Variants in PRDM15 observed in about 807,000 individuals in gnomAD.
PRDM15 encodes the protein PR/SET domain 15.
PRDM15 carries 64 observed loss-of-function variants against 128.6 expected under a neutral mutation model. The ratio of observed to expected loss-of-function variants is 0.50; its 90% CI spans 0.41 to 0.61. PRDM15 has a LOEUF of 0.61. PRDM15 is among the 20% of genes least tolerant of loss of function. The probability of loss-of-function intolerance (pLI) is 0.00; values close to 1 mark genes in which losing one functional copy is unlikely to be tolerated. For synonymous variants in PRDM15, 615 were observed against 621.8 expected (o/e 0.99, Z 0.16); for missense variants, 1,242 against 1,569.1 (o/e 0.79, Z 3.52).
At chr21:41,819,040 A>G (rs2062152312) in intron 18 of PRDM15, among the ~76,000 whole-genome samples, 1 of 152,216 alleles carries the variant, frequency 6.6e-6, no homozygotes, top group African/African-American at 2.4e-5. Flanking sequence ...ACTTTAAACA[A>G]TTAGATCCTG....
At chr21:41,825,327 T>C (rs1390550863) in intron 13 of PRDM15, among the ~76,000 whole-genome samples, 2 of 152,258 alleles carry the variant, frequency 1.3e-5, no homozygotes, top group Non-Finnish European at 2.9e-5. Flanking sequence ...GCAGCGTGTT[T>C]GCTGGATGTT....
At chr21:41,819,945 A>G in intron 17 of PRDM15, 150 bp downstream of exon 17, 2 of 784,372 alleles carry the variant, frequency 2.5e-6, no homozygotes, top group South Asian at 1.7e-5. Flanking sequence ...CAGGGCTGAT[A>G]AGGACGGGAA....
intron 19 of PRDM15, chr21:41,812,520 C>T (rs2061897573): frequency 6.6e-6 from 1 of 152,140 alleles, no homozygotes; most frequent in Non-Finnish European, 1.5e-5. Context: ...CCAGGACAGT[C>T]TGTGGAACTT....
At chr21:41,801,952 T>C (rs1215451169) in intron 23 of PRDM15, among the ~76,000 whole-genome samples, 1 of 152,078 alleles carries the variant, frequency 6.6e-6, no homozygotes, top group Non-Finnish European at 1.5e-5. Flanking sequence ...TTAATTTCAC[T>C]GGCTAGAAAA....
chr21:41,826,806 C>T (rs2062487156), intron 12 of PRDM15, among the ~76,000 whole-genome samples: 1 of 152,204 alleles, frequency 6.6e-6, no homozygotes, highest in African/African-American at 2.4e-5. Context: ...GTCTGAGGCG[C>T]AGCTTAGACT....
chr21:41,872,881 T>C (rs998024718), intron 1 of PRDM15, among the ~76,000 whole-genome samples: 14 of 152,272 alleles, frequency 9.2e-5, no homozygotes, highest in Non-Finnish European at 2.1e-4. Flanking sequence ...AGAACTGTGC[T>C]AGGTGGCTTC....
chr21:41,819,490 A>AGGCCCCCC, intron 18 of PRDM15, 92 bp downstream of exon 18: 1 of 188,696 alleles, frequency 5.3e-6, no homozygotes, highest in Non-Finnish European at 7.8e-6. Context: ...CACCTTCCCC[A>AGGCCCCCC]CACTCCCAGT....
intron 19 of PRDM15, chr21:41,812,449 G>C (rs1388919061): frequency 6.6e-6 from 1 of 152,184 alleles, no homozygotes; most frequent in Non-Finnish European, 1.5e-5. Flanking sequence ...AGAGCCCGGG[G>C]GGAGGCGTAC....
At chr21:41,874,212 G>A (rs1249092060) in intron 1 of PRDM15, among the ~76,000 whole-genome samples, 3 of 151,886 alleles carry the variant, frequency 2.0e-5, no homozygotes, top group Non-Finnish European at 2.9e-5. Context: ...AGGCTTGTGC[G>A]ACCCTAGAGG....
chr21:41,839,734 TCTC>T lies in PRDM15; in HGVS notation c.757_759del (p.Glu253del). 6.2e-7 allele frequency: 1 copy of T among 1,614,272 alleles called. No homozygotes were observed. The highest frequency in any genetic ancestry group is 8.5e-7 in the Non-Finnish European group (1 of 1,180,048). ...TGTTCTTTGGTGGCAACATTCTCGC[TCTC>T]GGGCACTGCAGGGGGTTCCCCCCGG... On this transcript the variant is annotated inframe_deletion, in exon 7 of 24. Transcript: ENST00000398548.
intron 4 of PRDM15, among the ~76,000 whole-genome samples, chr21:41,855,769 C>G (rs887264520): frequency 5.3e-5 from 8 of 152,234 alleles, no homozygotes; most frequent in African/African-American, 1.9e-4. Flanking sequence ...CAACCGTGCA[C>G]CCACACCAAC....
rs114337111 is a variant in PRDM15 at position 41,815,751 on chromosome 21, C to A, written c.2346G>T (p.Arg782Ser). Residue 782 changes from arginine (R) to serine (S), a missense_variant, in exon 19 of 24, where the codon AGG becomes AGT. Transcript: ENST00000398548. ...TGAGCATGTTGACCTTCTGCGCGAA[C>A]CTGCGGTGGCACTCCTTGCACTCGT... ...KEYECKECHR[R>S]FAQKVNMLKH... The A allele has an allele frequency of 1.2e-6, 2 of 1,614,100 alleles. No homozygotes were observed. Among genetic ancestry groups the A allele is most frequent in the Non-Finnish European group, 1.7e-6 (2 of 1,179,970 alleles).
intron 6 of PRDM15, among the ~76,000 whole-genome samples, chr21:41,843,527 G>A (rs1008269334): frequency 6.6e-6 from 1 of 152,066 alleles, no homozygotes; most frequent in Non-Finnish European, 1.5e-5. Flanking sequence ...GTGATGTTTC[G>A]CCAACTTCTG....
Position 41,804,596 on chromosome 21 carries a change from C to T in PRDM15, c.2671G>A (p.Asp891Asn), listed in dbSNP as rs369714611. The T allele has an allele frequency of 2.0e-5, 32 of 1,566,128 alleles. No homozygotes were observed. Among genetic ancestry groups the T allele is most frequent in the East Asian group, 4.7e-5 (2 of 42,952 alleles). ...GTCTCCGGGAGGTGGTCCAGGTCAT[C>T]GATCCTCACCGCGAGCACCTATGAG... is the stretch of plus-strand genomic sequence containing the variant. The part of the protein sequence containing the change: ...KHPEVLAVRI[D>N]DLDHLPETTT... The change falls in exon 22 of 24, where the codon GAT (aspartate) becomes AAT (asparagine). Residue 891 changes from aspartate to asparagine, a missense_variant. Asp to Asn is a conservative substitution (Grantham distance 23). This residue lies in a region of PRDM15 where 602 missense variants were observed against 788.3 expected (regional missense o/e 0.76). Coordinates refer to ENST00000398548, the MANE Select transcript of PRDM15 (RefSeq NM_001040424.3).
chr21:41,845,737 T>C (rs1000312516), intron 6 of PRDM15, among the ~76,000 whole-genome samples: 1 of 152,154 alleles, frequency 6.6e-6, no homozygotes, highest in Non-Finnish European at 1.5e-5. Flanking sequence ...CTTACGTAGT[T>C]GATGACATAC....
At chr21:41,815,863 G>A (rs778191213) in intron 18 of PRDM15, 27 bp from the exon 19 acceptor site, 7 of 1,609,574 alleles carry the variant, frequency 4.3e-6, no homozygotes, top group East Asian at 2.2e-5. Flanking sequence ...AGTCAGAGGC[G>A]GCCACACCCC....
chr21:41,810,441 C>A lies in PRDM15; in HGVS notation c.2477-112G>T. ...GCTGGACGAGGCAAGAAGCCTGTCACGCCCCGCCCATCCTGAGAGGGCCGG... is the reference window on the plus strand; with the variant it reads ...GCTGGACGAGGCAAGAAGCCTGTCAAGCCCCGCCCATCCTGAGAGGGCCGG... On this transcript the variant is annotated intron_variant, in intron 20 of 23. Coordinates refer to ENST00000398548, the MANE Select transcript of PRDM15 (RefSeq NM_001040424.3). The surrounding 1 kb of genome is among the most constrained non-coding windows in gnomAD (Gnocchi z 6.4). 1 of 1,256,144 alleles carries A rather than the reference C, an allele frequency of 8.0e-7. No individual in the cohort carries two copies. Among genetic ancestry groups the A allele is most frequent in the Admixed American group, 2.1e-5 (1 of 47,304 alleles). 77.8% of individuals were successfully genotyped at this position (1,256,144 alleles called of 1,614,324 possible).
At position 41,821,236 on chromosome 21, in the gene PRDM15, G is replaced by A; in HGVS notation, c.1897-6C>T. On this transcript the variant is annotated splice_region_variant and splice_polypyrimidine_tract_variant and intron_variant, in intron 15 of 23. Transcript: ENST00000398548. The surrounding 1 kb of genome is among the most constrained non-coding windows in gnomAD (Gnocchi z 5.4). Reference sequence around the variant, plus strand: ...TTCCCCCGGCCGAAGGTGAGCTGCGGGCCAGGTGGACAGGGCACTGCTGAC... The same window carrying A: ...TTCCCCCGGCCGAAGGTGAGCTGCGAGCCAGGTGGACAGGGCACTGCTGAC... The A allele has an allele frequency of 6.2e-7, 1 of 1,614,022 alleles. No homozygotes were observed. Among genetic ancestry groups the A allele is most frequent in the Non-Finnish European group, 8.5e-7 (1 of 1,180,016 alleles).
At chr21:41,846,070 A>G (rs2063255619) in intron 6 of PRDM15, among the ~76,000 whole-genome samples, 1 of 152,166 alleles carries the variant, frequency 6.6e-6, no homozygotes, top group African/African-American at 2.4e-5. Context: ...GATGAGTAGG[A>G]TGTCTCAGGA....
Sources: gnomAD v4.1 joint callset for allele counts (sites outside exome capture counted in the v4.1 genomes callset) on GRCh38, gnomAD v4.1.1 for gene constraint, gnomAD v4.1.1 regional missense constraint, Gnocchi (gnomAD v3.1) non-coding constraint, MANE v1.5 for transcripts, NCBI Gene and HGNC (gene_info 2026-07-23, HGNC 2026-07-21) for gene names.